Variants in DYNC2H1 observed in about 807,000 individuals in gnomAD.
The protein encoded by DYNC2H1 is cytoplasmic dynein 2 heavy chain 1.
A neutral mutation model predicts 570.0 loss-of-function variants in DYNC2H1; 410 were observed. The observed-to-expected ratio is 0.72, with a 90% CI of 0.66 to 0.78. The LOEUF is 0.78. Ranked by LOEUF, DYNC2H1 falls within the 30% of genes least tolerant of loss-of-function variation. The pLI is 0.00. For missense variants in DYNC2H1, 4,865 were observed against 5,046.4 expected (o/e 0.96, Z 1.09); for synonymous variants, 1,688 against 1,677.6 (o/e 1.01, Z -0.15).
intron 84 of DYNC2H1, among the ~76,000 whole-genome samples, chr11:103,425,261 A>G (rs1943627150): frequency 6.6e-6 from 1 of 152,126 alleles, no homozygotes; most frequent in Admixed American, 6.6e-5. Flanking sequence ...TTCTTTATTC[A>G]GGTTGCTATT....
chr11:103,361,207 T>G (rs1940618259), intron 83 of DYNC2H1, among the ~76,000 whole-genome samples: 1 of 152,194 alleles, frequency 6.6e-6, no homozygotes, highest in Non-Finnish European at 1.5e-5. Flanking sequence ...AGATGGGGTC[T>G]TTGGGAGGTA....
At chr11:103,173,031 T>C in intron 34 of DYNC2H1, 51 bp from the exon 35 acceptor site, 1 of 1,001,468 alleles carries the variant, frequency 1.0e-6, no homozygotes, top group Non-Finnish European at 1.3e-6. Flanking sequence ...ATGTTAAATA[T>C]TTTAACTTAA....
At chr11:103,444,488 GTT>G (rs1944365126) in intron 85 of DYNC2H1, among the ~76,000 whole-genome samples, 1 of 152,082 alleles carries the variant, frequency 6.6e-6, no homozygotes, top group African/African-American at 2.4e-5. Context: ...TCAGAACAGT[GTT>G]AAAGTAAGCA....
chr11:103,227,941 T>G (rs972923210), intron 59 of DYNC2H1, among the ~76,000 whole-genome samples: 1 of 152,212 alleles, frequency 6.6e-6, no homozygotes, highest in African/African-American at 2.4e-5. Context: ...ATAATGTCCC[T>G]CTTTGTCTTT....
At chr11:103,450,697 T>A (rs1944569419) in intron 85 of DYNC2H1, among the ~76,000 whole-genome samples, 1 of 152,222 alleles carries the variant, frequency 6.6e-6, no homozygotes, top group Non-Finnish European at 1.5e-5. Context: ...AATGATCGCT[T>A]AAATTACTTA....
At position 103,181,699 on chromosome 11, in the gene DYNC2H1, T is replaced by G. The variant is rs1470400278; in HGVS notation, c.6348-58T>G. The G allele has an allele frequency of 3.4e-6, 5 of 1,458,334 alleles. No homozygotes were observed. The highest frequency in any genetic ancestry group is 3.7e-6 in the Non-Finnish European group (4 of 1,086,360). The allele number at this position is 1,458,334 out of a possible 1,614,324, so 90.3% of individuals were successfully genotyped here. A position where few individuals can be genotyped will look rare whatever the true frequency, so the allele number is the denominator to read the frequency against. On this transcript the variant is annotated intron_variant, in intron 39 of 88. Transcript: ENST00000375735. This position sits in a 1 kb window ranked among gnomAD's most constrained non-coding sequence, Gnocchi z 5.0. Reference sequence around the variant, plus strand: ...ATGTTTATTGGAGAAGAAATTTATTTTAATGTAAATTGATAATTTCTTCCT... The same window carrying G: ...ATGTTTATTGGAGAAGAAATTTATTGTAATGTAAATTGATAATTTCTTCCT...
chr11:103,331,981 A>AC (rs1168755112), intron 82 of DYNC2H1, among the ~76,000 whole-genome samples: 2 of 150,400 alleles, frequency 1.3e-5, no homozygotes, highest in Non-Finnish European at 3.0e-5. Flanking sequence ...AATTGCTTGA[A>AC]CCCGGGAGGC....
chr11:103,438,130 T>C (rs1436094571), intron 85 of DYNC2H1, among the ~76,000 whole-genome samples: 1 of 152,110 alleles, frequency 6.6e-6, no homozygotes, highest in Non-Finnish European at 1.5e-5. Flanking sequence ...CCTTTCATCC[T>C]TCCAACCAGG....
In DYNC2H1 at chr11:103,170,364, ATACTC is replaced by A; in HGVS notation, c.5151+79_5151+83del. ...AGATTAGTTTCTATTAGTATATGAAATACTCTACTTAAAAATCACTACATTTAAAT... is the reference window on the plus strand; with the variant it reads ...AGATTAGTTTCTATTAGTATATGAAATACTTAAAAATCACTACATTTAAAT... On this transcript the variant is annotated intron_variant, in intron 33 of 88. Coordinates refer to ENST00000375735, the MANE Select transcript of DYNC2H1 (RefSeq NM_001377.3). This position sits in a 1 kb window ranked among gnomAD's most constrained non-coding sequence, Gnocchi z 4.8. 2 of 1,322,680 alleles carry A rather than the reference ATACTC, an allele frequency of 1.5e-6. No individual in the cohort carries two copies. The highest frequency in any genetic ancestry group is 2.0e-6 in the Non-Finnish European group (2 of 995,762). The allele number at this position is 1,322,680 out of a possible 1,614,324, so 81.9% of individuals were successfully genotyped here.
chr11:103,158,311 C>T (rs1328050848), intron 26 of DYNC2H1, among the ~76,000 whole-genome samples: 1 of 152,008 alleles, frequency 6.6e-6, no homozygotes, highest in Non-Finnish European at 1.5e-5. Flanking sequence ...TAGCTAGGCG[C>T]GGTGGCGGGT....
At chr11:103,303,468 G>A (rs1258133940) in intron 76 of DYNC2H1, among the ~76,000 whole-genome samples, 1 of 152,082 alleles carries the variant, frequency 6.6e-6, no homozygotes, top group African/African-American at 2.4e-5. Context: ...GAGTAGCCTG[G>A]ATTAGCCAGG....
chr11:103,217,931 G>A (rs550075345), intron 55 of DYNC2H1, among the ~76,000 whole-genome samples: 1 of 152,222 alleles, frequency 6.6e-6, no homozygotes, highest in South Asian at 2.1e-4. Flanking sequence ...TATGAAAGAA[G>A]ACATATAAAG....
intron 77 of DYNC2H1, 81 bp downstream of exon 77, chr11:103,304,801 TGC>T (rs1293111575): frequency 7.5e-7 from 1 of 1,326,396 alleles, no homozygotes; most frequent in Non-Finnish European, 1.0e-6. Flanking sequence ...TAAAATGTCA[TGC>T]ATTATTTATG....
At chr11:103,169,718 AAT>A (rs1861490910) in intron 32 of DYNC2H1, among the ~76,000 whole-genome samples, 1 of 152,186 alleles carries the variant, frequency 6.6e-6, no homozygotes, top group Non-Finnish European at 1.5e-5. Flanking sequence ...TGATCTCCAA[AAT>A]AGTTCTGATT....
Position 103,288,684 on chromosome 11 carries a change from T to TAAAAAAAAAAAAAAGAAA in DYNC2H1, c.11095+1093_11095+1094insGAAAAAAAAAAAAAAAAA, listed in dbSNP as rs1866450594. Among the ~76,000 whole-genome samples the TAAAAAAAAAAAAAAGAAA allele has an allele frequency of 1.4e-4, 4 of 27,914 alleles. 1 individual carries two copies. The highest frequency in any genetic ancestry group is 6.4e-4 in the Admixed American group (1 of 1,552). 18.3% of individuals were successfully genotyped at this position (27,914 alleles called of 152,430 possible). A position where few individuals can be genotyped will look rare whatever the true frequency, so the allele number is the denominator to read the frequency against. ...CTACATGGTGAAACCCCGTCTCTAC[T>TAAAAAAAAAAAAAAGAAA]AAAAAAAAAAAAAAAAAAAAAAAAA... On this transcript the variant is annotated intron_variant, in intron 75 of 88. Transcript: ENST00000375735.
intron 18 of DYNC2H1, among the ~76,000 whole-genome samples, chr11:103,146,791 CA>C (rs1312775657): frequency 6.6e-6 from 1 of 151,908 alleles, no homozygotes; most frequent in Non-Finnish European, 1.5e-5. Context: ...TTAGTAGAGA[CA>C]GGGGTCTCAC....
intron 79 of DYNC2H1, among the ~76,000 whole-genome samples, chr11:103,314,866 T>G (rs11225702): frequency 0.044 from 6,685 of 152,102 alleles, 180 homozygotes; most frequent in Non-Finnish European, 0.066. Context: ...TTAAAAATAC[T>G]GATCTTCAAG....
chr11:103,375,430 T>G (rs918474357), intron 83 of DYNC2H1, among the ~76,000 whole-genome samples: 2 of 152,066 alleles, frequency 1.3e-5, no homozygotes, highest in Non-Finnish European at 2.9e-5. Context: ...CCCAGAATGG[T>G]AGATCCACCA....
At chr11:103,270,375 G>A (rs1174047897) in intron 70 of DYNC2H1, among the ~76,000 whole-genome samples, 1 of 151,768 alleles carries the variant, frequency 6.6e-6, no homozygotes, top group Non-Finnish European at 1.5e-5. Context: ...GTAGGCTTTG[G>A]TATTATCCTA....
Sources: allele counts gnomAD v4.1 joint callset (sites outside exome capture counted in the v4.1 genomes callset), GRCh38; gene constraint gnomAD v4.1.1; non-coding constraint Gnocchi (gnomAD v3.1); transcripts MANE v1.5; gene names NCBI Gene and HGNC (gene_info 2026-07-23, HGNC 2026-07-21).